BSCL2: variants seen among roughly 807,000 people sequenced by gnomAD.
The protein encoded by BSCL2 is BSCL2 lipid droplet biogenesis associated, seipin, also known as seipin.
BSCL2 carries 41 observed loss-of-function variants against 57.4 expected under a neutral mutation model. The observed-to-expected ratio is 0.71, with a 90% CI of 0.56 to 0.93. The LOEUF (loss-of-function observed/expected upper bound fraction) is 0.93, where lower values mean the gene tolerates loss of function less well. Ranked by LOEUF, BSCL2 falls within the 40% of genes least tolerant of loss-of-function variation. The pLI is 0.00. For synonymous variants in BSCL2, 237 were observed against 227.3 expected (o/e 1.04, Z -0.38); for missense variants, 539 against 586.7 (o/e 0.92, Z 0.84).
upstream of BSCL2, chr11:62,709,089 T>C: frequency 2.1e-6 from 1 of 479,984 alleles, no homozygotes; most frequent in South Asian, 1.8e-5. Context: ...CCCGCTTCCC[T>C]CGGTGACCTG....
chr11:62,703,268 A>C (rs955540376), intron 2 of BSCL2, among the ~76,000 whole-genome samples: 4 of 151,838 alleles, frequency 2.6e-5, no homozygotes, highest in Non-Finnish European at 4.4e-5. Context: ...GGTTATTAAG[A>C]AGCTCATGAA....
chr11:62,700,992 C>G (rs940585641), intron 3 of BSCL2, among the ~76,000 whole-genome samples: 16 of 151,944 alleles, frequency 1.1e-4, no homozygotes, highest in African/African-American at 3.9e-4. Context: ...AGAGCCTCCT[C>G]TAGCTTGCCT....
chr11:62,694,110 G>T (rs1477663903), intron 4 of BSCL2, among the ~76,000 whole-genome samples: 1 of 150,884 alleles, frequency 6.6e-6, no homozygotes, highest in Non-Finnish European at 1.5e-5. Flanking sequence ...CACTGCGCCC[G>T]GCCTTGATTC....
intron 2 of BSCL2, among the ~76,000 whole-genome samples, chr11:62,703,560 C>A (rs1945714726): frequency 6.6e-6 from 1 of 151,042 alleles, no homozygotes; most frequent in South Asian, 2.1e-4. Context: ...ACGGTGTTAG[C>A]CAGGATAGTC....
intron 2 of BSCL2, among the ~76,000 whole-genome samples, chr11:62,704,061 G>C (rs920484006): frequency 1.3e-5 from 2 of 151,308 alleles, no homozygotes; most frequent in African/African-American, 2.4e-5. Flanking sequence ...GGAGGCAGAG[G>C]TTGCAGTGAG....
At chr11:62,706,454 A>G (rs1383913528) in intron 1 of BSCL2, 3 of 415,226 alleles carry the variant, frequency 7.2e-6, no homozygotes, top group East Asian at 1.5e-4. Flanking sequence ...TGCGCTCGCC[A>G]CTGGCTCTCT....
At chr11:62,703,351 T>G (rs978778792) in intron 2 of BSCL2, among the ~76,000 whole-genome samples, 2 of 139,684 alleles carry the variant, frequency 1.4e-5, no homozygotes, top group Admixed American at 7.1e-5. Context: ...ATATACGTTT[T>G]TTTTTTTTTT....
chr11:62,699,345 G>A (rs1366213503), intron 3 of BSCL2, among the ~76,000 whole-genome samples: 1 of 151,496 alleles, frequency 6.6e-6, no homozygotes, highest in Admixed American at 6.6e-5. Flanking sequence ...CTACAGGCCT[G>A]CGCCACCACA....
upstream of BSCL2, chr11:62,708,345 G>A (rs777726513): frequency 1.2e-6 from 2 of 1,613,720 alleles, no homozygotes; most frequent in Admixed American, 1.7e-5. Flanking sequence ...GGGCAAGCAC[G>A]CAAGATGGTG....
intron 3 of BSCL2, 48 bp downstream of exon 3, chr11:62,702,420 T>C: frequency 2.0e-6 from 3 of 1,521,998 alleles, no homozygotes; most frequent in Non-Finnish European, 1.8e-6. Context: ...CTTCCTATTT[T>C]GAGTCATCAA....
intron 3 of BSCL2, chr11:62,697,642 A>C (rs1240268561): frequency 2.6e-5 from 4 of 151,418 alleles, no homozygotes; most frequent in Admixed American, 2.6e-4. Context: ...AAAAATACAA[A>C]AATTAGCTGG....
At chr11:62,699,727 G>A (rs562354203) in intron 3 of BSCL2, among the ~76,000 whole-genome samples, 1 of 144,620 alleles carries the variant, frequency 6.9e-6, no homozygotes, top group East Asian at 2.0e-4. Flanking sequence ...CACTCAGGCT[G>A]GAGTGCAATG....
At position 62,706,277 on chromosome 11, in the gene BSCL2, G is replaced by C. The variant is rs901808041; in HGVS notation, c.88-660C>G. On this transcript the variant is annotated intron_variant, in intron 1 of 10. Transcript: ENST00000360796. ...GACTCACCAGCCTCGCGCGCTGCCA[G>C]GGCAACCGTGAGACGGGACTTCCGG... The C allele has an allele frequency of 6.3e-6, 7 of 1,113,772 alleles. No homozygotes were observed. The African/African-American group carries it at 1.2e-4, about 19-fold the overall frequency. 69.0% of individuals were successfully genotyped at this position (1,113,772 alleles called of 1,614,324 possible).
In BSCL2 at chr11:62,704,727, C is replaced by G. The variant is rs574461158; in HGVS notation, c.404+574G>C. 2.6e-5 allele frequency among the ~76,000 whole-genome samples: 4 copies of G among 152,268 alleles called. No homozygotes were observed. In the East Asian group the frequency reaches 5.8e-4, roughly 22 times the overall value. On this transcript the variant is annotated intron_variant, in intron 2 of 10. Coordinates refer to ENST00000360796, the MANE Select transcript of BSCL2 (RefSeq NM_001122955.4). ...CACCACTGCACTCCAGCCTGGGCAA[C>G]AGAGAGAGACTCCACCTCAAAAAAG...
chr11:62,709,013 A>C (rs2083588670), upstream of BSCL2: 1 of 562,556 alleles, frequency 1.8e-6, no homozygotes. Flanking sequence ...CAAGCACCCC[A>C]GAGATATGAG....
At position 62,705,290 on chromosome 11, in the gene BSCL2, G is replaced by A. The variant is rs375818964; in HGVS notation, c.404+11C>T. 1 of 1,600,240 alleles carries A rather than the reference G, an allele frequency of 6.2e-7. No homozygotes were observed. The highest frequency in any genetic ancestry group is 1.7e-5 in the Admixed American group (1 of 57,244). ...TAGGAGTCCTCTATTTTGATAGAAGGCCCCTCTCACCTGTAGTAGAAATGC... is the reference window on the plus strand; with the variant it reads ...TAGGAGTCCTCTATTTTGATAGAAGACCCCTCTCACCTGTAGTAGAAATGC... On this transcript the variant is annotated intron_variant, in intron 2 of 10. Transcript: ENST00000360796.
At chr11:62,705,161 G>C (rs886566455) in intron 2 of BSCL2, 140 bp downstream of exon 2, 78 of 889,180 alleles carry the variant, frequency 8.8e-5, no homozygotes, top group Non-Finnish European at 1.3e-4. Context: ...CTAGCCTTGG[G>C]CTGTGAAAGT....
upstream of BSCL2, chr11:62,708,533 C>T: frequency 1.6e-6 from 2 of 1,272,308 alleles, no homozygotes; most frequent in African/African-American, 1.5e-5. Context: ...GTAGAGAGAG[C>T]TGTCCCCAGG....
In BSCL2 at chr11:62,707,205, G is replaced by A. The variant is rs1389874449; in HGVS notation, c.-10C>T. On this transcript the variant is annotated 5_prime_UTR_variant, in exon 1 of 11. Transcript: ENST00000360796. Reference sequence around the variant, plus strand: ...CCTTTTCTGTAGACATCTTCCTGACGAGCCTCTGTTGACTCTGGATCTTCC... The same window carrying A: ...CCTTTTCTGTAGACATCTTCCTGACAAGCCTCTGTTGACTCTGGATCTTCC... 1.2e-5 allele frequency: 18 copies of A among 1,552,170 alleles called. No individual in the cohort carries two copies. Among genetic ancestry groups the A allele is most frequent in the Non-Finnish European group, 1.6e-5 (18 of 1,146,970 alleles).
Sources: allele counts gnomAD v4.1 joint callset (sites outside exome capture counted in the v4.1 genomes callset), GRCh38; gene constraint gnomAD v4.1.1; transcripts MANE v1.5; gene names NCBI Gene and HGNC (gene_info 2026-07-23, HGNC 2026-07-21).